GALNTL6: variants seen among roughly 807,000 people sequenced by gnomAD.
GALNTL6 encodes the protein polypeptide N-acetylgalactosaminyltransferase like 6, also known as polypeptide N-acetylgalactosaminyltransferase-like 6.
A neutral mutation model predicts 73.7 loss-of-function variants in GALNTL6; 46 were observed. The observed-to-expected ratio is 0.62, with a 90% CI of 0.49 to 0.80. The LOEUF (loss-of-function observed/expected upper bound fraction) is 0.80, where lower values mean the gene tolerates loss of function less well. Ranked by LOEUF, GALNTL6 falls within the 30% of genes least tolerant of loss-of-function variation. The pLI, the probability that GALNTL6 is intolerant of heterozygous loss-of-function variation, is 0.00. For missense variants in GALNTL6, 604 were observed against 755.0 expected, an observed-to-expected ratio of 0.80 and a Z score of 2.34; for synonymous variants, 259 against 263.7, an observed-to-expected ratio of 0.98 and a Z score of 0.17.
At chr4:172,880,629 AT>A (rs1201036574) in intron 7 of GALNTL6, among the ~76,000 whole-genome samples, 1 of 152,176 alleles carries the variant, frequency 6.6e-6, no homozygotes, top group Non-Finnish European at 1.5e-5. Context: ...CACTTAAAAT[AT>A]GTGCAATCAA....
chr4:171,979,393 G>A (rs570324904), intron 2 of GALNTL6, among the ~76,000 whole-genome samples: 1 of 152,166 alleles, frequency 6.6e-6, no homozygotes, highest in East Asian at 1.9e-4. Flanking sequence ...AAATGTGAAA[G>A]AAAAAATATC....
At chr4:171,946,423 C>G (rs1290274879) in intron 2 of GALNTL6, among the ~76,000 whole-genome samples, 2 of 152,114 alleles carry the variant, frequency 1.3e-5, no homozygotes, top group African/African-American at 4.8e-5. Context: ...TTAAGCAATT[C>G]CTGGGTAGAG....
At chr4:172,790,666 CG>C (rs201620652) in intron 5 of GALNTL6, among the ~76,000 whole-genome samples, 5,785 of 151,924 alleles carry the variant, frequency 0.038, 377 homozygotes, top group African/African-American at 0.13. Context: ...CCGAGGCAGG[CG>C]GGATCACGAG....
At chr4:172,768,625 T>C (rs1738580731) in intron 5 of GALNTL6, among the ~76,000 whole-genome samples, 1 of 152,028 alleles carries the variant, frequency 6.6e-6, no homozygotes, top group Non-Finnish European at 1.5e-5. Flanking sequence ...TGGAAAAGGG[T>C]GATTTCTTGG....
intron 4 of GALNTL6, among the ~76,000 whole-genome samples, chr4:172,327,866 T>G (rs1740996012): frequency 6.6e-6 from 1 of 152,122 alleles, no homozygotes; most frequent in Non-Finnish European, 1.5e-5. Context: ...CTCTGCTTTT[T>G]AAATGGGGGC....
intron 2 of GALNTL6, among the ~76,000 whole-genome samples, chr4:171,856,143 C>A (rs979842975): frequency 1.3e-5 from 2 of 152,088 alleles, no homozygotes; most frequent in Admixed American, 1.3e-4. Flanking sequence ...TGCTCTATCA[C>A]CCAGGCTGGA....
chr4:171,977,835 T>C (rs903508464), intron 2 of GALNTL6, among the ~76,000 whole-genome samples: 1 of 152,240 alleles, frequency 6.6e-6, no homozygotes, highest in Non-Finnish European at 1.5e-5. Context: ...GCTCTTACGA[T>C]GTATTTCTAG....
At position 171,848,368 on chromosome 4, in the gene GALNTL6, T is replaced by TA. The variant is rs1373201834; in HGVS notation, c.138+33651dup. On this transcript the variant is annotated intron_variant, in intron 2 of 12. Coordinates refer to ENST00000506823, the MANE Select transcript of GALNTL6 (RefSeq NM_001034845.3). ...GATTCAGTGTAATTCTTAAGGGCTC[T>TA]AGGAATTTCAGAATGGTAAGGTTTA... Among the ~76,000 whole-genome samples, 13 of 152,306 alleles carry TA rather than the reference T, an allele frequency of 8.5e-5. No homozygotes were observed. The East Asian group carries it at 2.3e-3, about 27-fold the overall frequency.
intron 2 of GALNTL6, among the ~76,000 whole-genome samples, chr4:171,991,088 C>T (rs1740317666): frequency 6.6e-6 from 1 of 151,994 alleles, no homozygotes; most frequent in Admixed American, 6.6e-5. Flanking sequence ...ATAAGAGCCA[C>T]ATGAAAAAAT....
intron 2 of GALNTL6, among the ~76,000 whole-genome samples, chr4:172,161,003 G>T (rs1043890801): frequency 6.6e-6 from 1 of 151,546 alleles, no homozygotes; most frequent in East Asian, 1.9e-4. Flanking sequence ...GTATTGAGAG[G>T]TATGTTTAAA....
At chr4:172,574,545 A>T (rs1278356404) in intron 5 of GALNTL6, among the ~76,000 whole-genome samples, 1 of 151,760 alleles carries the variant, frequency 6.6e-6, no homozygotes, top group Non-Finnish European at 1.5e-5. Context: ...CAGACAAAAA[A>T]AGATCCTCTA....
chr4:172,996,971 C>T (rs1751822950), intron 10 of GALNTL6, among the ~76,000 whole-genome samples: 1 of 152,210 alleles, frequency 6.6e-6, no homozygotes, highest in Non-Finnish European at 1.5e-5. Flanking sequence ...AGTCAAGCCA[C>T]TCATGGGTAA....
At chr4:172,882,723 T>C (rs1451456071) in intron 7 of GALNTL6, 67 bp from the exon 8 acceptor site, 67 of 1,070,394 alleles carry the variant, frequency 6.3e-5, no homozygotes, top group Non-Finnish European at 5.8e-5. Flanking sequence ...TTTACTTTTT[T>C]CCCAAGGAAA....
chr4:172,264,683 TATA>T (rs1738392726), intron 3 of GALNTL6, among the ~76,000 whole-genome samples: 1 of 148,008 alleles, frequency 6.8e-6, no homozygotes, highest in Non-Finnish European at 1.5e-5. Context: ...TATATATATA[TATA>T]ATTGGAACAG....
At chr4:172,627,190 G>T (rs1486395299) in intron 5 of GALNTL6, among the ~76,000 whole-genome samples, 1 of 152,058 alleles carries the variant, frequency 6.6e-6, no homozygotes, top group Non-Finnish European at 1.5e-5. Flanking sequence ...TTTGGTGAAG[G>T]TTTTTATCAT....
chr4:172,883,382 T>G (rs1745560738), intron 8 of GALNTL6, among the ~76,000 whole-genome samples: 1 of 152,234 alleles, frequency 6.6e-6, no homozygotes, highest in Non-Finnish European at 1.5e-5. Context: ...TTCTGCAGGC[T>G]GCACAAGAAG....
intron 8 of GALNTL6, among the ~76,000 whole-genome samples, chr4:172,891,586 A>C (rs1330914420): frequency 6.6e-6 from 1 of 152,116 alleles, no homozygotes; most frequent in Non-Finnish European, 1.5e-5. Context: ...ATTTGCATTG[A>C]CCTTGTAAAG....
chr4:172,013,691 C>T (rs1227499694), intron 2 of GALNTL6, among the ~76,000 whole-genome samples: 3 of 151,962 alleles, frequency 2.0e-5, no homozygotes, highest in Non-Finnish European at 2.9e-5. Flanking sequence ...AAACATTTAT[C>T]CTTCATGTCA....
At position 172,420,759 on chromosome 4, in the gene GALNTL6, C is replaced by G. The variant is rs373726643; in HGVS notation, c.553+72070C>G. Among the ~76,000 whole-genome samples, 3 of 152,094 alleles carry G rather than the reference C, an allele frequency of 2.0e-5. No individual in the cohort carries two copies. The East Asian group carries it at 5.8e-4, about 29-fold the overall frequency. Reference sequence around the variant, plus strand: ...ATTTACAACAGCAAAGACTTGGAACCAACCCAAACGCCCATCAATGATAGA... The same window carrying G: ...ATTTACAACAGCAAAGACTTGGAACGAACCCAAACGCCCATCAATGATAGA... On this transcript the variant is annotated intron_variant, in intron 5 of 12. Transcript: ENST00000506823.
Sources: gnomAD v4.1 joint callset for allele counts (sites outside exome capture counted in the v4.1 genomes callset) on GRCh38, gnomAD v4.1.1 for gene constraint, MANE v1.5 for transcripts, NCBI Gene and HGNC (gene_info 2026-07-23, HGNC 2026-07-21) for gene names.